The following ABCA13 variants were observed in gnomAD, a reference collection of about 807,000 sequenced individuals.
ABCA13 encodes ATP binding cassette subfamily A member 13.
In ABCA13, 476 loss-of-function variants were observed where a neutral mutation model predicts 478.7. That is an observed-to-expected ratio of 0.99 (90% confidence interval 0.92 to 1.07). The LOEUF (loss-of-function observed/expected upper bound fraction) is 1.07. Ranked by LOEUF, ABCA13 falls within the 50% of genes least tolerant of loss-of-function variation. The probability of loss-of-function intolerance (pLI) is 0.00; values close to 1 mark genes in which losing one functional copy is unlikely to be tolerated. For missense variants in ABCA13, 6,060 were observed against 5,910.6 expected (o/e 1.03, Z -0.83); for synonymous variants, 2,252 against 2,158.9 (o/e 1.04, Z -1.20).
At chr7:48,594,609 A>G in intron 57 of ABCA13, 101 bp from the exon 58 acceptor site, 6 of 1,041,864 alleles carry the variant, frequency 5.8e-6, no homozygotes, top group Non-Finnish European at 9.0e-6. Flanking sequence ...GAGCCAGAGC[A>G]GAGATTTTTC....
At chr7:48,445,009 TTC>T (rs1205884152) in intron 42 of ABCA13, among the ~76,000 whole-genome samples, 1 of 105,970 alleles carries the variant, frequency 9.4e-6, no homozygotes, top group African/African-American at 4.3e-5. Context: ...CTTTCTTTCT[TTC>T]TTTTTTTTTT....
chr7:48,336,499 G>T (rs1391981610), intron 28 of ABCA13, among the ~76,000 whole-genome samples: 2 of 152,154 alleles, frequency 1.3e-5, no homozygotes, highest in Non-Finnish European at 2.9e-5. Flanking sequence ...CATCCTGGTG[G>T]GCCCTGCAAT....
chr7:48,481,439 C>G (rs1828748052), intron 46 of ABCA13, among the ~76,000 whole-genome samples: 2 of 152,158 alleles, frequency 1.3e-5, no homozygotes, highest in Non-Finnish European at 2.9e-5. Flanking sequence ...TGCCATGGAC[C>G]TTAATAAGAT....
intron 55 of ABCA13, among the ~76,000 whole-genome samples, chr7:48,529,651 G>C (rs1216647769): frequency 6.6e-6 from 1 of 152,110 alleles, no homozygotes; most frequent in Non-Finnish European, 1.5e-5. Flanking sequence ...ATTGTTTTGT[G>C]GATGTAGAGA....
intron 48 of ABCA13, among the ~76,000 whole-genome samples, chr7:48,494,194 G>C (rs920131570): frequency 6.6e-6 from 1 of 152,104 alleles, no homozygotes; most frequent in Non-Finnish European, 1.5e-5. Context: ...TAGGATGATG[G>C]GACAGAGATG....
intron 41 of ABCA13, among the ~76,000 whole-genome samples, chr7:48,417,072 C>T (rs1820117496): frequency 6.6e-6 from 1 of 152,104 alleles, no homozygotes; most frequent in African/African-American, 2.4e-5. Flanking sequence ...TAGTTCCTCC[C>T]CTCCCTGCTT....
intron 31 of ABCA13, among the ~76,000 whole-genome samples, chr7:48,365,391 C>T (rs982906034): frequency 6.6e-6 from 1 of 152,068 alleles, no homozygotes; most frequent in African/African-American, 2.4e-5. Flanking sequence ...CTGATTGTTT[C>T]CTTTGTTTGC....
At chr7:48,415,889 G>A (rs1407680893) in intron 41 of ABCA13, among the ~76,000 whole-genome samples, 1 of 152,134 alleles carries the variant, frequency 6.6e-6, no homozygotes, top group African/African-American at 2.4e-5. Context: ...CATAGCACAT[G>A]TGAATAAGAT....
intron 41 of ABCA13, among the ~76,000 whole-genome samples, chr7:48,426,369 C>G (rs1472939031): frequency 6.6e-6 from 1 of 152,220 alleles, no homozygotes; most frequent in African/African-American, 2.4e-5. Context: ...CTCATGGCTT[C>G]TTCTTTCTGG....
At chr7:48,237,929 G>C (rs529424317) in intron 8 of ABCA13, among the ~76,000 whole-genome samples, 3 of 152,282 alleles carry the variant, frequency 2.0e-5, no homozygotes, top group Non-Finnish European at 4.4e-5. Flanking sequence ...TGGTATTGTT[G>C]ATTATTTTTA....
chr7:48,550,666 A>T (rs899417802), intron 55 of ABCA13, among the ~76,000 whole-genome samples: 1 of 151,692 alleles, frequency 6.6e-6, no homozygotes, highest in Non-Finnish European at 1.5e-5. Flanking sequence ...TAATACTGTG[A>T]ATCCATCTAT....
At chr7:48,525,329 A>G (rs1215025460) in intron 54 of ABCA13, among the ~76,000 whole-genome samples, 1 of 151,902 alleles carries the variant, frequency 6.6e-6, no homozygotes, top group Non-Finnish European at 1.5e-5. Context: ...TATTTTTTGT[A>G]CCCTTGCTTT....
intron 48 of ABCA13, 70 bp downstream of exon 48, chr7:48,489,414 A>G: frequency 7.4e-7 from 1 of 1,351,288 alleles, no homozygotes; most frequent in South Asian, 1.4e-5. Context: ...TGAAAGAAAC[A>G]GAAAAGTTTC....
intron 8 of ABCA13, among the ~76,000 whole-genome samples, chr7:48,237,743 T>G (rs547048023): frequency 6.6e-6 from 1 of 152,276 alleles, no homozygotes; most frequent in South Asian, 2.1e-4. Flanking sequence ...GGAAAATGAT[T>G]TATCTAACCT....
intron 42 of ABCA13, among the ~76,000 whole-genome samples, chr7:48,440,035 A>G (rs1823371564): frequency 6.6e-6 from 1 of 152,104 alleles, no homozygotes; most frequent in African/African-American, 2.4e-5. Flanking sequence ...AGCCATTTGC[A>G]TTTTCTCTTT....
intron 56 of ABCA13, among the ~76,000 whole-genome samples, chr7:48,580,890 G>A (rs553817773): frequency 6.6e-6 from 1 of 152,210 alleles, no homozygotes; most frequent in Admixed American, 6.5e-5. Flanking sequence ...GGGAATGAAG[G>A]AGTGGCAGAA....
chr7:48,274,802 G>A lies in ABCA13; in HGVS notation c.5136G>A (p.Leu1712=). ...TAGTGGTCAATTTGCTTGTTGGCTT[G>A]ATGGAAAAATTTGCAGACAGCTCAC... ...GNLVVNLLVG[L]MEKFADSSHS... is the part of the protein sequence containing the mutation. Residue 1712 remains leucine, a synonymous_variant, in exon 17 of 62, where the codon TTG becomes TTA. Transcript: ENST00000435803. 2 of 1,613,948 alleles carry A rather than the reference G, an allele frequency of 1.2e-6. No homozygotes were observed. Among genetic ancestry groups the A allele is most frequent in the Non-Finnish European group, 1.7e-6 (2 of 1,179,854 alleles).
intron 50 of ABCA13, among the ~76,000 whole-genome samples, chr7:48,509,452 G>A (rs1313328411): frequency 1.3e-5 from 2 of 152,140 alleles, no homozygotes; most frequent in African/African-American, 2.4e-5. Flanking sequence ...AGGGGGCCAC[G>A]TTTCTAGGAC....
intron 28 of ABCA13, 97 bp downstream of exon 28, chr7:48,335,632 A>G (rs1806140379): frequency 4.7e-6 from 4 of 849,166 alleles, no homozygotes; most frequent in East Asian, 5.3e-5. Context: ...ACAGAGTCAC[A>G]TCAGGCATAG....
Sources: gnomAD v4.1 joint callset for allele counts (sites outside exome capture counted in the v4.1 genomes callset) on GRCh38, gnomAD v4.1.1 for gene constraint, MANE v1.5 for transcripts, NCBI Gene and HGNC (gene_info 2026-07-23, HGNC 2026-07-21) for gene names.